The following HPSE2 variants were observed in gnomAD, a reference collection of about 807,000 sequenced individuals.
The protein encoded by HPSE2 is inactive heparanase-2.
In HPSE2, 38 loss-of-function variants were observed where a neutral mutation model predicts 60.5. The ratio of observed to expected loss-of-function variants is 0.63; its 90% CI spans 0.48 to 0.82. HPSE2 has a LOEUF of 0.82. HPSE2 is among the 40% of genes least tolerant of loss of function. The pLI is 0.00. For synonymous variants in HPSE2, 295 were observed against 293.2 expected, an observed-to-expected ratio of 1.01 and a Z score of -0.06; for missense variants, 713 against 740.4, an observed-to-expected ratio of 0.96 and a Z score of 0.43.
intron 11 of HPSE2, among the ~76,000 whole-genome samples, chr10:98,466,750 C>G (rs1241556012): frequency 6.6e-6 from 1 of 152,124 alleles, no homozygotes; most frequent in Non-Finnish European, 1.5e-5. Flanking sequence ...TCTGGCTTAA[C>G]CGTTTTTCAG....
chr10:98,989,506 G>A (rs1193925536), intron 3 of HPSE2, among the ~76,000 whole-genome samples: 3 of 144,012 alleles, frequency 2.1e-5, no homozygotes, highest in Non-Finnish European at 4.5e-5. Context: ...TGGGGTGGGG[G>A]GAGGGGGGAG....
intron 9 of HPSE2, among the ~76,000 whole-genome samples, chr10:98,510,107 T>C (rs544769141): frequency 3.5e-4 from 53 of 152,332 alleles, no homozygotes; most frequent in African/African-American, 1.1e-3. Flanking sequence ...CTTCCTTAAA[T>C]TTAGTTCTGA....
chr10:98,558,199 A>G (rs547516069), intron 9 of HPSE2, among the ~76,000 whole-genome samples: 1 of 152,180 alleles, frequency 6.6e-6, no homozygotes, highest in South Asian at 2.1e-4. Context: ...AAGTTTATAC[A>G]CCTTGGCAGT....
At chr10:98,956,491 A>G (rs748253543) in intron 3 of HPSE2, among the ~76,000 whole-genome samples, 2 of 152,150 alleles carry the variant, frequency 1.3e-5, no homozygotes, top group Non-Finnish European at 2.9e-5. Context: ...GCTCGGGGCT[A>G]TTGTAGAGCC....
chr10:98,969,534 GTTTCT>G (rs1288637537), intron 3 of HPSE2, among the ~76,000 whole-genome samples: 1 of 152,116 alleles, frequency 6.6e-6, no homozygotes, highest in African/African-American at 2.4e-5. Flanking sequence ...TCTTCTTCAT[GTTTCT>G]TTTTTTATCT....
intron 3 of HPSE2, among the ~76,000 whole-genome samples, chr10:98,747,563 G>A (rs1309721315): frequency 2.0e-5 from 3 of 152,184 alleles, no homozygotes; most frequent in African/African-American, 4.8e-5. Flanking sequence ...TGGATAGTTT[G>A]TTCACATAGC....
chr10:99,128,963 C>T (rs552118178), intron 3 of HPSE2, among the ~76,000 whole-genome samples: 2 of 152,160 alleles, frequency 1.3e-5, no homozygotes, highest in East Asian at 1.9e-4. Flanking sequence ...AAAGATATCC[C>T]ATGCAAACGG....
Position 98,528,904 on chromosome 10 carries a change from C to G in HPSE2, c.1321-38708G>C, listed in dbSNP as rs148359141. ...CACTCATAGCAAACCTCAGTCATCTCCAGCCAAACCACTCTATTTTCCTGA... is the reference window on the plus strand; with the variant it reads ...CACTCATAGCAAACCTCAGTCATCTGCAGCCAAACCACTCTATTTTCCTGA... On this transcript the variant is annotated intron_variant, in intron 9 of 11. Transcript: ENST00000370552. Among the ~76,000 whole-genome samples the G allele has an allele frequency of 1.7e-4, 26 of 152,354 alleles. No homozygotes were observed. The South Asian group carries it at 5.2e-3, about 30-fold the overall frequency.
chr10:98,472,689 A>C (rs937890437), intron 11 of HPSE2, among the ~76,000 whole-genome samples: 1 of 152,264 alleles, frequency 6.6e-6, no homozygotes, highest in African/African-American at 2.4e-5. Flanking sequence ...AACAAAAAAG[A>C]ATCTGGAAGA....
intron 3 of HPSE2, among the ~76,000 whole-genome samples, chr10:98,882,543 CT>C (rs1256750630): frequency 1.3e-5 from 2 of 151,952 alleles, no homozygotes; most frequent in African/African-American, 4.8e-5. Context: ...GGGGCATGTT[CT>C]TATAGAAGAT....
At chr10:99,023,919 T>A (rs1957321267) in intron 3 of HPSE2, among the ~76,000 whole-genome samples, 2 of 152,190 alleles carry the variant, frequency 1.3e-5, no homozygotes, top group Non-Finnish European at 2.9e-5. Flanking sequence ...TAACTAACTC[T>A]TCACTGTGCA....
chr10:98,808,628 C>G (rs1340953147), intron 3 of HPSE2, among the ~76,000 whole-genome samples: 1 of 152,104 alleles, frequency 6.6e-6, no homozygotes, highest in Non-Finnish European at 1.5e-5. Context: ...ATTGGTAAAG[C>G]ATGTTATTTT....
chr10:98,627,922 A>C (rs1286217971), intron 7 of HPSE2, among the ~76,000 whole-genome samples: 3 of 152,238 alleles, frequency 2.0e-5, no homozygotes, highest in Non-Finnish European at 4.4e-5. Context: ...TTTAAAATGC[A>C]CATGGATAAC....
intron 9 of HPSE2, 135 bp downstream of exon 9, chr10:98,614,769 G>A: frequency 1.4e-6 from 1 of 723,894 alleles, no homozygotes; most frequent in East Asian, 2.7e-5. Context: ...AACAAAGACA[G>A]GAATGTTTCT....
intron 8 of HPSE2, among the ~76,000 whole-genome samples, chr10:98,617,468 T>C (rs1039949259): frequency 6.6e-6 from 1 of 152,214 alleles, no homozygotes; most frequent in African/African-American, 2.4e-5. Context: ...TATAGGAAGA[T>C]ATTTAAGAAA....
At chr10:98,737,049 T>C (rs146676000) in intron 4 of HPSE2, among the ~76,000 whole-genome samples, 7 of 152,226 alleles carry the variant, frequency 4.6e-5, no homozygotes, top group South Asian at 2.1e-4. Context: ...AAAAAGACTA[T>C]ATGGTTTCTT....
the HPSE2 span, among the ~76,000 whole-genome samples, chr10:99,245,244 G>T: frequency 1.3e-5 from 2 of 152,246 alleles, no homozygotes; most frequent in Admixed American, 1.3e-4. Context: ...CATCTGAGGA[G>T]CTTTTTAATA....
intron 9 of HPSE2, among the ~76,000 whole-genome samples, chr10:98,496,284 A>AAAAAC (rs1180103070): frequency 3.3e-5 from 5 of 152,214 alleles, no homozygotes; most frequent in African/African-American, 9.7e-5. Flanking sequence ...AGGAGAGTAA[A>AAAAAC]AAAACAAAAC....
intron 11 of HPSE2, among the ~76,000 whole-genome samples, chr10:98,464,453 A>G (rs1940441877): frequency 6.6e-6 from 1 of 152,162 alleles, no homozygotes; most frequent in African/African-American, 2.4e-5. Context: ...CCTCTGCCAG[A>G]CTAACTGCAA....
Sources: gnomAD v4.1 joint callset for allele counts (sites outside exome capture counted in the v4.1 genomes callset) on GRCh38, gnomAD v4.1.1 for gene constraint, MANE v1.5 for transcripts, NCBI Gene and HGNC (gene_info 2026-07-23, HGNC 2026-07-21) for gene names.